The following EHMT2 variants were observed in gnomAD, a reference collection of about 807,000 sequenced individuals.
The protein encoded by EHMT2 is euchromatic histone lysine methyltransferase 2.
A neutral mutation model predicts 143.3 loss-of-function variants in EHMT2; 59 were observed. That is an observed-to-expected ratio of 0.41 (90% CI 0.33 to 0.51). The LOEUF (loss-of-function observed/expected upper bound fraction) is 0.51, where lower values mean the gene tolerates loss of function less well. EHMT2 is among the 20% of genes least tolerant of loss of function. The probability of loss-of-function intolerance (pLI) is 0.18; values close to 1 mark genes in which losing one functional copy is unlikely to be tolerated. For missense variants in EHMT2, 1,174 were observed against 1,645.9 expected, an observed-to-expected ratio of 0.71 and a Z score of 4.96; for synonymous variants, 604 against 651.5, an observed-to-expected ratio of 0.93 and a Z score of 1.11.
At chr6:31,879,803 T>A (rs866579809) in exon 28 of EHMT2, 4 of 500,968 alleles carry the variant, frequency 8.0e-6, no homozygotes, top group Non-Finnish European at 1.4e-5. Flanking sequence ...AGGAACCAGT[T>A]GGCATAGAGG....
rs924896728 is a variant in EHMT2 at position 31,889,349 on chromosome 6, A to AG, written c.1000-8dup. On this transcript the variant is annotated splice_region_variant and splice_polypyrimidine_tract_variant and intron_variant, in intron 8 of 27. Transcript: ENST00000375537. This position sits in a 1 kb window ranked among gnomAD's most constrained non-coding sequence, Gnocchi z 5.1. ...GCCGGCCACTGGAACCACTCTGGGA[A>AG]GGGGGAGGAGGAGGAGTTAGGAACC... The AG allele has an allele frequency of 2.5e-6, 4 of 1,611,446 alleles. No homozygotes were observed. In the African/African-American group the frequency reaches 5.3e-5, roughly 22 times the overall value.
At position 31,884,912 on chromosome 6, in the gene EHMT2, G is replaced by C; in HGVS notation, c.2448C>G (p.Asn816Lys). The C allele has an allele frequency of 6.2e-7, 1 of 1,601,064 alleles. No individual in the cohort carries two copies. The highest frequency in any genetic ancestry group is 8.5e-7 in the Non-Finnish European group (1 of 1,169,786). The change falls in exon 19 of 28, where the codon AAC becomes AAG. Residue 816 changes from asparagine (N) to lysine (K), a missense_variant and splice_region_variant. Transcript: ENST00000375537. This position sits in a 1 kb window ranked among gnomAD's most constrained non-coding sequence, Gnocchi z 7.3. The stretch of plus-strand genomic sequence containing the variant: ...CTACCTCAACCAAACGCTCACTCAC[G>C]TTGTCAGTGAGGGTGACGTCGGCGC...
rs2151599686 is a variant in EHMT2 at position 31,883,590 on chromosome 6, A to C, written c.2917-151T>G. The C allele has an allele frequency of 1.0e-6, 1 of 976,950 alleles. No homozygotes were observed. Among genetic ancestry groups the C allele is most frequent in the Middle Eastern group, 2.3e-4 (1 of 4,362 alleles). The allele number at this position is 976,950 out of a possible 1,614,324, so 60.5% of individuals were successfully genotyped here. On this transcript the variant is annotated intron_variant, in intron 22 of 27. Coordinates refer to ENST00000375537, the Ensembl canonical transcript of EHMT2. The surrounding 1 kb of genome is among the most constrained non-coding windows in gnomAD (Gnocchi z 5.6). ...GATGGTCCTAGGGTGACGGGTAATC[A>C]GTATGGTGGTGTCCCCAGGGCTACT...
At chr6:31,887,892 G>A in exon 14 of EHMT2, 1 of 1,611,106 alleles carries the variant, frequency 6.2e-7, no homozygotes, top group Non-Finnish European at 8.5e-7. Context: ...AGGGCCCTGA[G>A]CTGTCAATGG....
intron 4 of EHMT2, among the ~76,000 whole-genome samples, chr6:31,894,785 G>T (rs1292191545): frequency 6.6e-6 from 1 of 151,020 alleles, no homozygotes; most frequent in African/African-American, 2.4e-5. Flanking sequence ...GGGATTACAG[G>T]CGCACGCCAC....
Position 31,884,986 on chromosome 6 carries a change from C to T in EHMT2, c.2374G>A (p.Ala792Thr). 6.2e-7 allele frequency: 1 copy of T among 1,610,196 alleles called. No individual in the cohort carries two copies. Among genetic ancestry groups the T allele is most frequent in the Non-Finnish European group, 8.5e-7 (1 of 1,177,384 alleles). Residue 792 changes from alanine (A) to threonine (T), a missense_variant, in exon 19 of 28, where the codon GCT (alanine) becomes ACT (threonine). Physicochemically the swap from Ala to Thr is moderately conservative, Grantham distance 58. Coordinates refer to ENST00000375537, the Ensembl canonical transcript of EHMT2. This position sits in a 1 kb window ranked among gnomAD's most constrained non-coding sequence, Gnocchi z 7.3. ...ACCTCGATGTGCTTGTGCTCTGCAG[C>T]CCAGATGATGGGCGTCCACCCCCCA...
At chr6:31,897,564 A>ATTGCACGGGCGCGCGCT in intron 1 of EHMT2, 72 bp downstream of exon 1, 1 of 1,072,038 alleles carries the variant, frequency 9.3e-7, no homozygotes, top group Non-Finnish European at 1.1e-6. Flanking sequence ...CCCCCGGAGC[A>ATTGCACGGGCGCGCGCT]TTGCACGGGC....
intron 4 of EHMT2, chr6:31,895,972 G>A (rs1394423770): frequency 4.5e-5 from 16 of 355,690 alleles, no homozygotes; most frequent in Non-Finnish European, 8.0e-5. Context: ...GAGGTAGAAA[G>A]GAAGAGTGGT....
In EHMT2 at chr6:31,888,520, G is replaced by A. The variant is rs1765210334; in HGVS notation, c.1366-14C>T. The A allele has an allele frequency of 6.2e-7, 1 of 1,611,500 alleles. No homozygotes were observed. The highest frequency in any genetic ancestry group is 8.5e-7 in the Non-Finnish European group (1 of 1,179,352). Reference sequence around the variant, plus strand: ...GCAGCCTGACAGCTGTGCGCAGTGAGGATGGGTGAGAAGAGAGCGTGAGGC... The same window carrying A: ...GCAGCCTGACAGCTGTGCGCAGTGAAGATGGGTGAGAAGAGAGCGTGAGGC... On this transcript the variant is annotated splice_polypyrimidine_tract_variant and intron_variant, in intron 11 of 27. Transcript: ENST00000375537. This position sits in a 1 kb window ranked among gnomAD's most constrained non-coding sequence, Gnocchi z 7.4.
At chr6:31,895,092 A>G (rs1766209244) in intron 4 of EHMT2, among the ~76,000 whole-genome samples, 1 of 152,260 alleles carries the variant, frequency 6.6e-6, no homozygotes, top group Non-Finnish European at 1.5e-5. Flanking sequence ...TGAGAAAGGA[A>G]AGGTAGCTCA....
exon 5 of EHMT2, chr6:31,892,858 T>C (rs1380841146): frequency 1.2e-6 from 2 of 1,602,292 alleles, no homozygotes; most frequent in Admixed American, 3.4e-5. Flanking sequence ...GTGGACATCA[T>C]CACTCATGCG....
intron 18 of EHMT2, 117 bp from the exon 19 acceptor site, chr6:31,885,133 C>A: frequency 1.5e-6 from 2 of 1,354,290 alleles, no homozygotes; most frequent in Non-Finnish European, 2.0e-6. Context: ...GCTGTGGGAC[C>A]CTGGGTAAGT....
At chr6:31,896,809 C>G (rs1380164594) in exon 3 of EHMT2, 13 of 1,612,866 alleles carry the variant, frequency 8.1e-6, no homozygotes, top group Non-Finnish European at 1.0e-5. Context: ...AGGGGTGTCC[C>G]CCAAAGAGCC....
chr6:31,896,005 T>G, intron 4 of EHMT2: 1 of 414,914 alleles, frequency 2.4e-6, no homozygotes, highest in East Asian at 3.6e-5. Flanking sequence ...TACCTTGTCA[T>G]TATCATAAGA....
chr6:31,886,485 A>G, intron 18 of EHMT2, 96 bp downstream of exon 18: 1 of 960,420 alleles, frequency 1.0e-6, no homozygotes, highest in Non-Finnish European at 1.6e-6. Flanking sequence ...GAGCAGTGTG[A>G]GGTCAGATGT....
chr6:31,888,725 C>A lies in EHMT2; in HGVS notation c.1239G>T (p.Ser413=). Residue 413 remains serine (S), a synonymous_variant, in exon 11 of 28, where the codon TCG becomes TCT. Transcript: ENST00000375537. This position sits in a 1 kb window ranked among gnomAD's most constrained non-coding sequence, Gnocchi z 7.4. ...CCTCAAACCCTCGCTCTGTCTCCAG[C>A]GAAGATGTGTCATTGGACACCCCTT... is the stretch of plus-strand genomic sequence containing the variant. 1 of 1,613,444 alleles carries A rather than the reference C, an allele frequency of 6.2e-7. No individual in the cohort carries two copies. The highest frequency in any genetic ancestry group is 8.5e-7 in the Non-Finnish European group (1 of 1,180,010).
In EHMT2 at chr6:31,889,103, G is replaced by A. The variant is rs1357107833; in HGVS notation, c.1115-33C>T. On this transcript the variant is annotated intron_variant, in intron 9 of 27. Coordinates refer to ENST00000375537, the Ensembl canonical transcript of EHMT2. The surrounding 1 kb of genome is among the most constrained non-coding windows in gnomAD (Gnocchi z 5.1). The stretch of plus-strand genomic sequence containing the variant: ...AGAGACAGAGAGAGTGAGAGTGCGA[G>A]CTCACAGGTGCCTGGACGCGTGGGT... 6.4e-7 allele frequency: 1 copy of A among 1,572,462 alleles called. No homozygotes were observed. Among genetic ancestry groups the A allele is most frequent in the Non-Finnish European group, 8.7e-7 (1 of 1,155,072 alleles).
chr6:31,892,427 G>A (rs1450494629), exon 7 of EHMT2: 4 of 1,612,924 alleles, frequency 2.5e-6, no homozygotes, highest in South Asian at 1.1e-5. Context: ...GAGTCCACGC[G>A]CTCATCCACA....
chr6:31,896,634 C>A, exon 3 of EHMT2: 1 of 1,586,988 alleles, frequency 6.3e-7, no homozygotes, highest in Non-Finnish European at 8.6e-7. Context: ...CACGGAGGTC[C>A]CCATCTCCCT....
Sources: gnomAD v4.1 joint callset for allele counts (sites outside exome capture counted in the v4.1 genomes callset) on GRCh38, gnomAD v4.1.1 for gene constraint, Gnocchi (gnomAD v3.1) non-coding constraint, MANE v1.5 for transcripts, NCBI Gene and HGNC (gene_info 2026-07-23, HGNC 2026-07-21) for gene names.